Variants in PCDHGB2 observed in about 807,000 individuals in gnomAD.
The protein encoded by PCDHGB2 is protocadherin gamma-B2.
A neutral mutation model predicts 59.3 loss-of-function variants in PCDHGB2; 55 were observed. That is an observed-to-expected ratio of 0.93 (90% CI 0.75 to 1.16). PCDHGB2 has a LOEUF of 1.16. Among genes scored for constraint, PCDHGB2 ranks in the 50% most tolerant of loss-of-function variants. PCDHGB2 has a pLI of 0.00. For synonymous variants in PCDHGB2, 516 were observed against 512.0 expected, an observed-to-expected ratio of 1.01 and a Z score of -0.11; for missense variants, 1,228 against 1,198.5, an observed-to-expected ratio of 1.02 and a Z score of -0.36.
At position 141,364,425 on chromosome 5, in the gene PCDHGB2, G is replaced by T; in HGVS notation, c.2421+1869G>T. 6.2e-7 allele frequency: 1 copy of T among 1,613,642 alleles called. No homozygotes were observed. Among genetic ancestry groups the T allele is most frequent in the Non-Finnish European group, 8.5e-7 (1 of 1,179,688 alleles). Reference sequence around the variant, plus strand: ...TGCGAGCCAGGATCCGGGCAGATCCGCTACTCGATGCCGGAGGAGCTGGAC... The same window carrying T: ...TGCGAGCCAGGATCCGGGCAGATCCTCTACTCGATGCCGGAGGAGCTGGAC... On this transcript the variant is annotated intron_variant, in intron 1 of 3. Coordinates refer to ENST00000522605, the MANE Select transcript of PCDHGB2 (RefSeq NM_018923.3).
intron 1 of PCDHGB2, among the ~76,000 whole-genome samples, chr5:141,436,175 A>G (rs1263518258): frequency 1.3e-5 from 2 of 152,192 alleles, no homozygotes; most frequent in Non-Finnish European, 2.9e-5. Flanking sequence ...CAGTTCTCAT[A>G]TATAGTCAAA....
In PCDHGB2 at chr5:141,486,675, A is replaced by T; in HGVS notation, c.2422-8132A>T. On this transcript the variant is annotated intron_variant, in intron 1 of 3. Coordinates refer to ENST00000522605, the MANE Select transcript of PCDHGB2 (RefSeq NM_018923.3). The surrounding 1 kb of genome is among the most constrained non-coding windows in gnomAD (Gnocchi z 5.0). ...TCACTCCTGGAGCCCAGGAATCGAGATGTATCAGCTTCCTCTTTCATCTCT... is the reference window on the plus strand; with the variant it reads ...TCACTCCTGGAGCCCAGGAATCGAGTTGTATCAGCTTCCTCTTTCATCTCT... The T allele has an allele frequency of 6.2e-7, 1 of 1,614,056 alleles. No individual in the cohort carries two copies. The highest frequency in any genetic ancestry group is 8.5e-7 in the Non-Finnish European group (1 of 1,180,016).
chr5:141,444,997 A>G (rs2154560871), intron 1 of PCDHGB2, among the ~76,000 whole-genome samples: 1 of 152,292 alleles, frequency 6.6e-6, no homozygotes, highest in Admixed American at 6.5e-5. Context: ...ATATATTTCC[A>G]TTTAATTAGG....
At position 141,487,444 on chromosome 5, in the gene PCDHGB2, T is replaced by G; in HGVS notation, c.2422-7363T>G. 1 of 1,614,194 alleles carries G rather than the reference T, an allele frequency of 6.2e-7. No individual in the cohort carries two copies. The highest frequency in any genetic ancestry group is 8.5e-7 in the Non-Finnish European group (1 of 1,180,040). ...TCCTCCGAATCCAGCTAGGGTCAGA[T>G]GACCCTATCAAGTTTGTTGATGTGG... On this transcript the variant is annotated intron_variant, in intron 1 of 3. Transcript: ENST00000522605. This position sits in a 1 kb window ranked among gnomAD's most constrained non-coding sequence, Gnocchi z 5.0.
chr5:141,494,234 A>G (rs1299510042), intron 1 of PCDHGB2, among the ~76,000 whole-genome samples: 1 of 152,138 alleles, frequency 6.6e-6, no homozygotes, highest in Non-Finnish European at 1.5e-5. Context: ...CTAAATTAAT[A>G]ATGTATTTAG....
chr5:141,433,592 T>C (rs1043652093), intron 1 of PCDHGB2, among the ~76,000 whole-genome samples: 5 of 152,020 alleles, frequency 3.3e-5, no homozygotes, highest in Non-Finnish European at 7.4e-5. Context: ...TCCCAGTACT[T>C]TGGGAGGCCG....
At chr5:141,415,266 G>T in intron 1 of PCDHGB2, 1 of 1,614,218 alleles carries the variant, frequency 6.2e-7, no homozygotes, top group Non-Finnish European at 8.5e-7. Flanking sequence ...CTCTGTACCT[G>T]GTGGTAGCGG....
intron 1 of PCDHGB2, chr5:141,404,355 G>A (rs1170833341): frequency 6.2e-7 from 1 of 1,613,896 alleles, no homozygotes; most frequent in Admixed American, 1.7e-5. Flanking sequence ...AACGCCAGAG[G>A]TACTTCCATC....
intron 1 of PCDHGB2, chr5:141,371,091 G>A (rs1414973980): frequency 8.7e-6 from 14 of 1,613,670 alleles, no homozygotes; most frequent in Non-Finnish European, 1.1e-5. Context: ...GGTAATTGTC[G>A]CAGATGCAAA....
intron 1 of PCDHGB2, chr5:141,387,952 C>G: frequency 2.0e-6 from 3 of 1,491,568 alleles, no homozygotes; most frequent in Non-Finnish European, 2.7e-6. Flanking sequence ...TTCCTGCTGT[C>G]TTTGTTCTGC....
intron 1 of PCDHGB2, chr5:141,389,406 G>C (rs1235613335): frequency 2.5e-6 from 4 of 1,613,514 alleles, no homozygotes; most frequent in Non-Finnish European, 3.4e-6. Flanking sequence ...CATAAGCGCG[G>C]AGAGCGGGGT....
chr5:141,375,838 C>T (rs527863161), intron 1 of PCDHGB2: 1 of 1,614,128 alleles, frequency 6.2e-7, no homozygotes, highest in Admixed American at 1.7e-5. Flanking sequence ...CAGAGCCCGG[C>T]TACCTGGTGA....
chr5:141,387,784 T>C (rs2091093181), intron 1 of PCDHGB2: 11 of 1,472,396 alleles, frequency 7.5e-6, no homozygotes, highest in African/African-American at 4.2e-5. Flanking sequence ...GAACTGGAAC[T>C]GCAACTAAAG....
chr5:141,392,700 T>C, intron 1 of PCDHGB2: 1 of 1,257,648 alleles, frequency 8.0e-7, no homozygotes, highest in Non-Finnish European at 1.1e-6. Flanking sequence ...GACCCCTGTT[T>C]GGAGGCACTC....
At chr5:141,403,979 A>G in intron 1 of PCDHGB2, 1 of 1,613,932 alleles carries the variant, frequency 6.2e-7, no homozygotes, top group Non-Finnish European at 8.5e-7. Context: ...TGTAAATGAC[A>G]ATAGACCTGA....
At chr5:141,474,881 C>A (rs2099356099) in intron 1 of PCDHGB2, among the ~76,000 whole-genome samples, 1 of 152,244 alleles carries the variant, frequency 6.6e-6, no homozygotes, top group South Asian at 2.1e-4. Context: ...AGCAGGAACT[C>A]TTAGAGGTTC....
rs561392729 is a variant in PCDHGB2, at chr5:141,475,706, G to T, written c.2422-19101G>T. On this transcript the variant is annotated intron_variant, in intron 1 of 3. Transcript: ENST00000522605. ...GGATTGGAGACTTGCAGAACGGCTA[G>T]CCTCACAGCCCCAAGGCTGGCTTTC... Among the ~76,000 whole-genome samples the T allele has an allele frequency of 7.2e-5, 11 of 152,364 alleles. 1 individual carries two copies. In the South Asian group the frequency reaches 2.3e-3, roughly 32 times the overall value.
intron 1 of PCDHGB2, among the ~76,000 whole-genome samples, chr5:141,488,571 A>G (rs2099677106): frequency 6.6e-6 from 1 of 152,194 alleles, no homozygotes; most frequent in East Asian, 1.9e-4. Flanking sequence ...TCCGCAAAGC[A>G]TTGCTGGAGA....
intron 1 of PCDHGB2, chr5:141,375,053 G>T: frequency 1.2e-6 from 2 of 1,614,046 alleles, no homozygotes; most frequent in South Asian, 2.2e-5. Context: ...AGCCCGGGAT[G>T]GGCCAGGTCT....
Sources: allele counts gnomAD v4.1 joint callset (sites outside exome capture counted in the v4.1 genomes callset), GRCh38; gene constraint gnomAD v4.1.1; non-coding constraint Gnocchi (gnomAD v3.1); transcripts MANE v1.5; gene names NCBI Gene and HGNC (gene_info 2026-07-23, HGNC 2026-07-21).